DEF6: variants seen among roughly 807,000 people sequenced by gnomAD.
The protein encoded by DEF6 is DEF6 guanine nucleotide exchange factor, also known as differentially expressed in FDCP 6 homolog.
Under a neutral mutation model 80.5 loss-of-function variants are expected in DEF6, and 32 were observed. The ratio of observed to expected loss-of-function variants is 0.40; its 90% CI spans 0.30 to 0.53. DEF6 has a LOEUF of 0.53. DEF6 is among the 20% of genes least tolerant of loss of function. The pLI is 0.57. For synonymous variants in DEF6, 300 were observed against 337.9 expected, an observed-to-expected ratio of 0.89 and a Z score of 1.23; for missense variants, 575 against 818.7, an observed-to-expected ratio of 0.70 and a Z score of 3.63.
At position 35,312,413 on chromosome 6, in the gene DEF6, C is replaced by A. The variant is rs1333681949; in HGVS notation, c.535C>A (p.Leu179Ile). 1 of 1,614,158 alleles carries A rather than the reference C, an allele frequency of 6.2e-7. No individual in the cohort carries two copies. Among genetic ancestry groups the A allele is most frequent in the Non-Finnish European group, 8.5e-7 (1 of 1,180,030 alleles). ...EAQVAQTTGG[L>I]SVWQFLELFN... ...CCAGGTGGCCCAGACCACCGGGGGG[C>A]TCAGCGTCTGGCAGTTCCTGGAGCT... The change falls in exon 4 of 11, where the codon CTC becomes ATC. Residue 179 changes from leucine to isoleucine, a missense_variant. Transcript: ENST00000316637. The surrounding 1 kb of genome is among the most constrained non-coding windows in gnomAD (Gnocchi z 6.6).
At chr6:35,305,146 A>ATTT in intron 1 of DEF6, among the ~76,000 whole-genome samples, 1 of 134,766 alleles carries the variant, frequency 7.4e-6, no homozygotes, top group African/African-American at 2.7e-5. Context: ...AAAAAAAAGA[A>ATTT]TTTTTTTTTT....
At chr6:35,305,350 C>G (rs1224291414) in intron 1 of DEF6, among the ~76,000 whole-genome samples, 1 of 151,568 alleles carries the variant, frequency 6.6e-6, no homozygotes, top group Non-Finnish European at 1.5e-5. Flanking sequence ...CTTAGCTGAG[C>G]ATGGTGACAC....
chr6:35,312,857 G>A lies in DEF6; in HGVS notation c.807+85G>A, dbSNP rs1791485705. ...AGAAGACAAGGGGGTCAGGAGAGGG[G>A]CAAATGGAGAAAAGCCACAGTGACA... On this transcript the variant is annotated intron_variant, in intron 5 of 10. Coordinates refer to ENST00000316637, the MANE Select transcript of DEF6 (RefSeq NM_022047.4). This position sits in a 1 kb window ranked among gnomAD's most constrained non-coding sequence, Gnocchi z 6.6. The A allele has an allele frequency of 5.5e-6, 8 of 1,455,298 alleles. No individual in the cohort carries two copies. Among genetic ancestry groups the A allele is most frequent in the Non-Finnish European group, 7.5e-6 (8 of 1,073,406 alleles). 90.1% of individuals were successfully genotyped at this position (1,455,298 alleles called of 1,614,324 possible). A position where few individuals can be genotyped will look rare whatever the true frequency, so the allele number is the denominator to read the frequency against.
rs1791552602 is a variant in DEF6, at chr6:35,318,650, T to G, written c.1215+179T>G. Among the ~76,000 whole-genome samples, 1 of 151,672 alleles carries G rather than the reference T, an allele frequency of 6.6e-6. No homozygotes were observed. Among genetic ancestry groups the G allele is most frequent in the East Asian group, 1.9e-4 (1 of 5,168 alleles). On this transcript the variant is annotated intron_variant, in intron 7 of 10. Transcript: ENST00000316637. The surrounding 1 kb of genome is among the most constrained non-coding windows in gnomAD (Gnocchi z 5.1). ...GAGTCCGCGGGTTTGAAAAAGAGAT[T>G]TGGGATGGGGCTTCCGCCAGGGACA...
intron 1 of DEF6, among the ~76,000 whole-genome samples, chr6:35,301,424 C>G (rs1248422611): frequency 6.6e-6 from 1 of 152,200 alleles, no homozygotes; most frequent in Non-Finnish European, 1.5e-5. Context: ...TGTCCATCTT[C>G]AGTTTCTCAT....
In DEF6 at chr6:35,320,999, T is replaced by C. The variant is rs374861079; in HGVS notation, c.1672+25T>C. 2.4e-5 allele frequency: 38 copies of C among 1,610,466 alleles called. No individual in the cohort carries two copies. In the African/African-American group the frequency reaches 3.6e-4, roughly 15 times the overall value. Reference sequence around the variant, plus strand: ...GGTGAGAAGGAATAGACTCTGGAGCTTTCCCTGGAGCTGGGAGGGAGAAAG... The same window carrying C: ...GGTGAGAAGGAATAGACTCTGGAGCCTTCCCTGGAGCTGGGAGGGAGAAAG... On this transcript the variant is annotated intron_variant, in intron 10 of 10. Coordinates refer to ENST00000316637, the MANE Select transcript of DEF6 (RefSeq NM_022047.4).
In DEF6 at chr6:35,299,029, C is replaced by G. The variant is rs9469981; in HGVS notation, c.96+1077C>G. Among the ~76,000 whole-genome samples, 311 of 152,270 alleles carry G rather than the reference C, an allele frequency of 2.0e-3. 1 individual carries two copies. The highest frequency in any genetic ancestry group is 6.5e-3 in the African/African-American group (272 of 41,538). On this transcript the variant is annotated intron_variant, in intron 1 of 10. Transcript: ENST00000316637. ...GGACAGAACAGTTATTGTGCCCCAC[C>G]ACCGTTCCAACCCCCTACTTTACTG...
intron 5 of DEF6, among the ~76,000 whole-genome samples, chr6:35,315,564 A>T (rs9469993): frequency 0.052 from 7,865 of 152,066 alleles, 647 homozygotes; most frequent in African/African-American, 0.17. Context: ...AACAATATTA[A>T]TTTTTCCAAT....
chr6:35,307,703 A>T (rs1791410843), intron 1 of DEF6, among the ~76,000 whole-genome samples: 1 of 152,180 alleles, frequency 6.6e-6, no homozygotes, highest in South Asian at 2.1e-4. Context: ...CTCCAGGGAT[A>T]ACTGCCCAGA....
chr6:35,306,526 G>A lies in DEF6; in HGVS notation c.97-3144G>A, dbSNP rs1447753938. Among the ~76,000 whole-genome samples, 15 of 150,792 alleles carry A rather than the reference G, an allele frequency of 9.9e-5. No individual in the cohort carries two copies. The East Asian group carries it at 2.5e-3, about 26-fold the overall frequency. ...AATTCTGTCTTAAAAAAAAAAAAAA[G>A]ATGAAAGTTTCTCCCCTCACTCTGG... On this transcript the variant is annotated intron_variant, in intron 1 of 10. Coordinates refer to ENST00000316637, the MANE Select transcript of DEF6 (RefSeq NM_022047.4).
chr6:35,320,855 A>G, intron 9 of DEF6, 29 bp from the exon 10 acceptor site: 1 of 1,583,578 alleles, frequency 6.3e-7, no homozygotes, highest in Middle Eastern at 1.7e-4. Context: ...GATGGTTCTG[A>G]TCACTCCCCA....
Position 35,312,259 on chromosome 6 carries a change from C to T in DEF6, c.424-43C>T. On this transcript the variant is annotated intron_variant, in intron 3 of 10. Transcript: ENST00000316637. The surrounding 1 kb of genome is among the most constrained non-coding windows in gnomAD (Gnocchi z 6.6). ...CACTCCCTGGTGTTGGTGCTGGCAA[C>T]ACCACCTGCTGCAGCTACCAGGCCT... is the stretch of plus-strand genomic sequence containing the variant. The T allele has an allele frequency of 6.4e-7, 1 of 1,574,474 alleles. No homozygotes were observed. Among genetic ancestry groups the T allele is most frequent in the Non-Finnish European group, 8.7e-7 (1 of 1,148,416 alleles).
intron 3 of DEF6, among the ~76,000 whole-genome samples, chr6:35,311,933 C>T (rs1562148873): frequency 6.6e-6 from 1 of 152,044 alleles, no homozygotes; most frequent in Non-Finnish European, 1.5e-5. Flanking sequence ...CCCCTTTGGG[C>T]TTTTTTTTGG....
chr6:35,309,076 G>A (rs757696110), intron 1 of DEF6, among the ~76,000 whole-genome samples: 50 of 152,136 alleles, frequency 3.3e-4, no homozygotes, highest in Non-Finnish European at 6.0e-4. Flanking sequence ...GAGCAGACAC[G>A]CTTAGGTGAT....
At chr6:35,308,740 A>AAAATAAAAT (rs1791425951) in intron 1 of DEF6, among the ~76,000 whole-genome samples, 1 of 148,386 alleles carries the variant, frequency 6.7e-6, no homozygotes, top group Non-Finnish European at 1.5e-5. Flanking sequence ...ATAAAATAAT[A>AAAATAAAAT]AAATAAAATA....
intron 3 of DEF6, among the ~76,000 whole-genome samples, chr6:35,311,587 C>T (rs1791467614): frequency 6.6e-6 from 1 of 152,216 alleles, no homozygotes; most frequent in East Asian, 1.9e-4. Context: ...GCTGGCTGCC[C>T]TTGTTAGACC....
chr6:35,298,723 C>T (rs1283033686), intron 1 of DEF6, among the ~76,000 whole-genome samples: 1 of 152,130 alleles, frequency 6.6e-6, no homozygotes, highest in East Asian at 1.9e-4. Context: ...CCTTCCCTAC[C>T]CTAGTTAGTG....
intron 10 of DEF6, 101 bp downstream of exon 10, chr6:35,321,075 A>C (rs1791584740): frequency 3.9e-6 from 6 of 1,551,958 alleles, no homozygotes; most frequent in Non-Finnish European, 5.3e-6. Flanking sequence ...GGGCCAGCAA[A>C]AGCAGGACTG....
intron 9 of DEF6, 135 bp downstream of exon 9, chr6:35,320,152 A>C: frequency 1.2e-6 from 1 of 806,024 alleles, no homozygotes; most frequent in South Asian, 1.8e-5. Context: ...AAATGCCCAA[A>C]CTTCTTGGAG....
Sources: allele counts gnomAD v4.1 joint callset (sites outside exome capture counted in the v4.1 genomes callset), GRCh38; gene constraint gnomAD v4.1.1; non-coding constraint Gnocchi (gnomAD v3.1); transcripts MANE v1.5; gene names NCBI Gene and HGNC (gene_info 2026-07-23, HGNC 2026-07-21).